DLGAP2: variants seen among roughly 807,000 people sequenced by gnomAD.
The protein encoded by DLGAP2 is disks large-associated protein 2.
A neutral mutation model predicts 100.3 loss-of-function variants in DLGAP2; 26 were observed. The ratio of observed to expected loss-of-function variants is 0.26; its 90% CI spans 0.19 to 0.36. DLGAP2 has a LOEUF of 0.36. Ranked by LOEUF, DLGAP2 falls within the 10% of genes least tolerant of loss-of-function variation. The pLI, the probability that DLGAP2 is intolerant of heterozygous loss-of-function variation, is 1.00. For missense variants in DLGAP2, 1,858 were observed against 1,453.2 expected (o/e 1.28, Z -4.53); for synonymous variants, 886 against 630.1 (o/e 1.41, Z -6.08).
intron 3 of DLGAP2, among the ~76,000 whole-genome samples, chr8:1,487,114 A>G (rs1799253202): frequency 6.6e-6 from 1 of 152,216 alleles, no homozygotes; most frequent in Admixed American, 6.5e-5. Context: ...AAAACCTTGT[A>G]CTTATTTGGT....
At chr8:1,079,499 C>G (rs903443088) in intron 2 of DLGAP2, among the ~76,000 whole-genome samples, 1 of 152,134 alleles carries the variant, frequency 6.6e-6, no homozygotes, top group East Asian at 1.9e-4. Flanking sequence ...CAGATGGTAT[C>G]TTAAGAGCTC....
At chr8:975,826 A>G (rs1800147884) in intron 2 of DLGAP2, among the ~76,000 whole-genome samples, 1 of 152,074 alleles carries the variant, frequency 6.6e-6, no homozygotes, top group Non-Finnish European at 1.5e-5. Flanking sequence ...GAAGCAAAAC[A>G]CTCTTACCAT....
chr8:1,341,807 T>C (rs1023095742), intron 3 of DLGAP2, among the ~76,000 whole-genome samples: 2 of 152,226 alleles, frequency 1.3e-5, no homozygotes, highest in African/African-American at 4.8e-5. Flanking sequence ...TCCCTCCATC[T>C]GCAGGCCCTG....
At chr8:923,333 C>G (rs146347836) in intron 2 of DLGAP2, among the ~76,000 whole-genome samples, 1,632 of 152,344 alleles carry the variant, frequency 0.011, 9 homozygotes, top group Non-Finnish European at 0.018. Context: ...CGTCCCATGA[C>G]AGTGTCTTTC....
At chr8:805,766 C>T (rs1796256747) in intron 1 of DLGAP2, among the ~76,000 whole-genome samples, 2 of 152,318 alleles carry the variant, frequency 1.3e-5, no homozygotes, top group South Asian at 4.1e-4. Context: ...AGTCCGCCGG[C>T]CTTGGCCTCG....
chr8:802,058 T>TCCTC (rs1563039172), intron 1 of DLGAP2, among the ~76,000 whole-genome samples: 230 of 149,834 alleles, frequency 1.5e-3, no homozygotes, highest in African/African-American at 2.4e-3. Context: ...TGGGGAACAG[T>TCCTC]CTGCACCCCT....
chr8:1,190,370 T>A (rs78530194), intron 2 of DLGAP2, among the ~76,000 whole-genome samples: 1 of 152,098 alleles, frequency 6.6e-6, no homozygotes, highest in Non-Finnish European at 1.5e-5. Context: ...TTGGCAGTTA[T>A]GTGCTTGGAG....
chr8:859,095 C>A (rs1030616526), intron 1 of DLGAP2, among the ~76,000 whole-genome samples: 22 of 148,834 alleles, frequency 1.5e-4, no homozygotes, highest in African/African-American at 5.2e-4. Context: ...GAGACATAGA[C>A]CAGCCCCACC....
chr8:1,475,271 C>G (rs2130220621), intron 3 of DLGAP2, among the ~76,000 whole-genome samples: 1 of 152,224 alleles, frequency 6.6e-6, no homozygotes, highest in South Asian at 2.1e-4. Flanking sequence ...ACACAATCAA[C>G]CTACATAACA....
chr8:1,000,526 A>G (rs1350404588), intron 2 of DLGAP2, among the ~76,000 whole-genome samples: 1 of 151,654 alleles, frequency 6.6e-6, no homozygotes, highest in Non-Finnish European at 1.5e-5. Context: ...GATTTTCTAT[A>G]GAGCGGACAG....
At chr8:1,589,730 G>A (rs1435876775) in intron 6 of DLGAP2, among the ~76,000 whole-genome samples, 1 of 152,176 alleles carries the variant, frequency 6.6e-6, no homozygotes, top group East Asian at 1.9e-4. Flanking sequence ...GTACAGTAAG[G>A]GAATACGTAG....
chr8:1,683,848 ATATATATATGTG>A (rs1799026363), intron 12 of DLGAP2, among the ~76,000 whole-genome samples: 2 of 71,522 alleles, frequency 2.8e-5, no homozygotes. Context: ...ATATATATAT[ATATATATATGTG>A]TGTGTGTGTG....
chr8:855,638 T>C (rs1797263194), intron 1 of DLGAP2, among the ~76,000 whole-genome samples: 1 of 152,106 alleles, frequency 6.6e-6, no homozygotes, highest in Non-Finnish European at 1.5e-5. Context: ...CAGGTTGTAT[T>C]TGGTTGGGGA....
At chr8:1,170,422 C>G (rs996050003) in intron 2 of DLGAP2, among the ~76,000 whole-genome samples, 2 of 152,140 alleles carry the variant, frequency 1.3e-5, no homozygotes, top group African/African-American at 2.4e-5. Flanking sequence ...AGGATTCCCT[C>G]TTTTTCTGTT....
chr8:1,670,235 G>A (rs1798656857), intron 10 of DLGAP2, among the ~76,000 whole-genome samples: 1 of 152,228 alleles, frequency 6.6e-6, no homozygotes, highest in South Asian at 2.1e-4. Context: ...GACTTTATCT[G>A]AAATGAGTGG....
chr8:1,164,942 T>C (rs1483549627), intron 2 of DLGAP2, among the ~76,000 whole-genome samples: 6 of 151,972 alleles, frequency 3.9e-5, no homozygotes, highest in Non-Finnish European at 8.8e-5. Flanking sequence ...ATGATAAAGT[T>C]GTTGAGCTGT....
intron 2 of DLGAP2, among the ~76,000 whole-genome samples, chr8:1,203,299 A>T (rs1036000158): frequency 2.0e-5 from 3 of 149,242 alleles, no homozygotes; most frequent in East Asian, 3.9e-4. Context: ...TCGGTGTTAG[A>T]ATCCATGAGA....
chr8:1,606,141 G>A (rs1199765874), intron 6 of DLGAP2, among the ~76,000 whole-genome samples: 1 of 152,174 alleles, frequency 6.6e-6, no homozygotes, highest in African/African-American at 2.4e-5. Context: ...GAAGGTACCA[G>A]TGGGTTTTTT....
At chr8:1,523,814 C>T (rs1415165315) in intron 4 of DLGAP2, among the ~76,000 whole-genome samples, 1 of 152,228 alleles carries the variant, frequency 6.6e-6, no homozygotes, top group Non-Finnish European at 1.5e-5. Flanking sequence ...GCAGTTCCTG[C>T]ACGTCACAGC....
Sources: allele counts gnomAD v4.1 joint callset (sites outside exome capture counted in the v4.1 genomes callset), GRCh38; gene constraint gnomAD v4.1.1; transcripts MANE v1.5; gene names NCBI Gene and HGNC (gene_info 2026-07-23, HGNC 2026-07-21).